IFT88: variants seen among roughly 807,000 people sequenced by gnomAD.
The protein encoded by IFT88 is intraflagellar transport 88.
A neutral mutation model predicts 119.5 loss-of-function variants in IFT88; 74 were observed. That is an observed-to-expected ratio of 0.62 (90% CI 0.51 to 0.75). IFT88 has a LOEUF of 0.75. Ranked by LOEUF, IFT88 falls within the 30% of genes least tolerant of loss-of-function variation. IFT88 has a pLI of 0.00. For missense variants in IFT88, 961 were observed against 977.7 expected (o/e 0.98, Z 0.23); for synonymous variants, 279 against 316.7 (o/e 0.88, Z 1.26).
intron 13 of IFT88, among the ~76,000 whole-genome samples, chr13:20,614,167 A>G (rs61671419): frequency 0.041 from 6,276 of 152,316 alleles, 168 homozygotes; most frequent in Middle Eastern, 0.071. Context: ...ATTACACGCC[A>G]TGACCAAGTA....
At chr13:20,581,003 G>A (rs2038523694) in intron 2 of IFT88, among the ~76,000 whole-genome samples, 1 of 152,066 alleles carries the variant, frequency 6.6e-6, no homozygotes, top group Admixed American at 6.6e-5. Context: ...GGGATTACAG[G>A]CATGAGCCAC....
At chr13:20,588,508 T>C (rs914335020) in intron 3 of IFT88, among the ~76,000 whole-genome samples, 4 of 152,218 alleles carry the variant, frequency 2.6e-5, no homozygotes, top group African/African-American at 9.6e-5. Context: ...AGATACTTTA[T>C]GGCTCTATGT....
At chr13:20,568,790 G>T (rs980697923) in intron 1 of IFT88, among the ~76,000 whole-genome samples, 1 of 151,962 alleles carries the variant, frequency 6.6e-6, no homozygotes, top group Non-Finnish European at 1.5e-5. Flanking sequence ...CGGCAATCTC[G>T]GTTTACTGCA....
intron 4 of IFT88, among the ~76,000 whole-genome samples, chr13:20,590,299 G>A (rs2040436450): frequency 6.6e-6 from 1 of 152,106 alleles, no homozygotes; most frequent in South Asian, 2.1e-4. Context: ...GCCTTTGGAG[G>A]AAAGATATAT....
At position 20,596,456 on chromosome 13, in the gene IFT88, T is replaced by C. The variant is rs139279831; in HGVS notation, c.489+216T>C. On this transcript the variant is annotated intron_variant, in intron 8 of 25. Transcript: ENST00000351808. ...TTTGTAATTTTTGACATTGGCCTTTTCAGTAGGGAAAAAAATTCTAATGTA... is the reference window on the plus strand; with the variant it reads ...TTTGTAATTTTTGACATTGGCCTTTCCAGTAGGGAAAAAAATTCTAATGTA... 3.3e-5 allele frequency among the ~76,000 whole-genome samples: 5 copies of C among 152,292 alleles called. No homozygotes were observed. The East Asian group carries it at 9.7e-4, about 29-fold the overall frequency.
intron 16 of IFT88, among the ~76,000 whole-genome samples, chr13:20,633,765 G>A (rs1566281675): frequency 6.6e-6 from 1 of 152,132 alleles, no homozygotes; most frequent in African/African-American, 2.4e-5. Context: ...AATGTTTTGA[G>A]GCCAAGTGAT....
At chr13:20,600,085 T>TC (rs1461987209) in intron 11 of IFT88, among the ~76,000 whole-genome samples, 4 of 152,136 alleles carry the variant, frequency 2.6e-5, no homozygotes, top group Admixed American at 2.0e-4. Flanking sequence ...TATTTACTGA[T>TC]CATAATTTCC....
intron 24 of IFT88, among the ~76,000 whole-genome samples, chr13:20,685,557 T>C (rs1195748163): frequency 6.6e-6 from 1 of 152,148 alleles, no homozygotes; most frequent in Non-Finnish European, 1.5e-5. Flanking sequence ...TGTTTGGAAA[T>C]ATTCATCAAG....
At chr13:20,597,427 T>C (rs140915497) in intron 9 of IFT88, among the ~76,000 whole-genome samples, 2,187 of 152,154 alleles carry the variant, frequency 0.014, 47 homozygotes, top group African/African-American at 0.048. Context: ...CTGGGCAACA[T>C]AGTGAGACCT....
intron 15 of IFT88, among the ~76,000 whole-genome samples, chr13:20,627,456 G>A (rs1333701916): frequency 1.3e-5 from 2 of 152,114 alleles, no homozygotes; most frequent in Non-Finnish European, 2.9e-5. Flanking sequence ...GAGGCCGGGC[G>A]TGGTGGCTCA....
chr13:20,626,024 T>G (rs892350825), intron 15 of IFT88, among the ~76,000 whole-genome samples, 175 bp downstream of exon 15: 4 of 150,280 alleles, frequency 2.7e-5, no homozygotes, highest in African/African-American at 9.7e-5. Context: ...TTTTATTAAT[T>G]TTTGCCTGTT....
intron 15 of IFT88, among the ~76,000 whole-genome samples, chr13:20,626,689 G>A (rs1037545322): frequency 2.6e-5 from 4 of 152,152 alleles, no homozygotes; most frequent in African/African-American, 9.7e-5. Context: ...TGGGTGGGGG[G>A]TAGAGTGGGT....
intron 17 of IFT88, among the ~76,000 whole-genome samples, chr13:20,640,663 C>T (rs549782394): frequency 6.6e-6 from 1 of 152,260 alleles, no homozygotes; most frequent in South Asian, 2.1e-4. Context: ...CTAGCACTTT[C>T]CTCCCCACTG....
At chr13:20,607,814 A>G (rs924515307) in intron 13 of IFT88, 151 of 738,184 alleles carry the variant, frequency 2.0e-4, no homozygotes, top group Middle Eastern at 1.0e-3. Flanking sequence ...TCAGTTGTCA[A>G]TGCCACCAAG....
chr13:20,578,358 CTTT>C (rs1158499742), intron 2 of IFT88, among the ~76,000 whole-genome samples: 16 of 78,752 alleles, frequency 2.0e-4, no homozygotes, highest in Admixed American at 5.2e-4. Context: ...AGTCTTGTTA[CTTT>C]TTTTTTTTTT....
chr13:20,674,724 A>ATTTTTTTTT, intron 24 of IFT88, among the ~76,000 whole-genome samples: 1 of 73,808 alleles, frequency 1.4e-5, no homozygotes, highest in Non-Finnish European at 2.6e-5. Flanking sequence ...ATATATATAT[A>ATTTTTTTTT]TTTTTTTTTT....
chr13:20,628,124 T>C (rs1270275392), intron 15 of IFT88, among the ~76,000 whole-genome samples: 1 of 152,234 alleles, frequency 6.6e-6, no homozygotes, highest in African/African-American at 2.4e-5. Flanking sequence ...TGGCAACTAC[T>C]TTATTTACAA....
At chr13:20,594,245 A>G (rs1428376256) in intron 7 of IFT88, among the ~76,000 whole-genome samples, 2 of 152,120 alleles carry the variant, frequency 1.3e-5, no homozygotes, top group Non-Finnish European at 2.9e-5. Flanking sequence ...TTATGATGCC[A>G]AGAGAGTGTT....
chr13:20,646,529 G>T (rs896660777), intron 20 of IFT88, among the ~76,000 whole-genome samples: 4 of 151,888 alleles, frequency 2.6e-5, no homozygotes, highest in African/African-American at 7.3e-5. Context: ...TGTTGGTGAG[G>T]CTGGTCTTGA....
Sources: gnomAD v4.1 joint callset for allele counts (sites outside exome capture counted in the v4.1 genomes callset) on GRCh38, gnomAD v4.1.1 for gene constraint, MANE v1.5 for transcripts, NCBI Gene and HGNC (gene_info 2026-07-23, HGNC 2026-07-21) for gene names.